Variants in PCDHGA4 observed in about 807,000 individuals in gnomAD.
PCDHGA4 encodes protocadherin gamma subfamily A, 4.
A neutral mutation model predicts 54.6 loss-of-function variants in PCDHGA4; 38 were observed. The ratio of observed to expected loss-of-function variants is 0.70; its 90% CI spans 0.54 to 0.91. The LOEUF (loss-of-function observed/expected upper bound fraction) is 0.91. PCDHGA4 is among the 40% of genes least tolerant of loss of function. PCDHGA4 has a pLI of 0.00. For synonymous variants in PCDHGA4, 511 were observed against 512.9 expected, an observed-to-expected ratio of 1.00 and a Z score of 0.05; for missense variants, 1,298 against 1,220.9, an observed-to-expected ratio of 1.06 and a Z score of -0.94.
chr5:141,478,414 C>T, intron 1 of PCDHGA4: 1 of 1,613,630 alleles, frequency 6.2e-7, no homozygotes, highest in Non-Finnish European at 8.5e-7. Context: ...CCACGGACTC[C>T]CGCCGCAGCG....
intron 1 of PCDHGA4, chr5:141,423,436 C>A (rs2096740667): frequency 6.2e-7 from 1 of 1,613,782 alleles, no homozygotes; most frequent in Non-Finnish European, 8.5e-7. Context: ...GGCAGGTATG[C>A]CCACGTCACA....
chr5:141,442,650 G>A (rs192694987), intron 1 of PCDHGA4, among the ~76,000 whole-genome samples: 83 of 152,350 alleles, frequency 5.4e-4, no homozygotes, highest in Admixed American at 9.1e-4. Flanking sequence ...CCTAAGATGA[G>A]AAATATTTGG....
chr5:141,366,069 G>C, intron 1 of PCDHGA4: 2 of 1,614,216 alleles, frequency 1.2e-6, no homozygotes, highest in Non-Finnish European at 1.7e-6. Flanking sequence ...CTGGCGCCTC[G>C]CTCCGCAGAA....
chr5:141,496,888 T>TAAA (rs35063790), intron 2 of PCDHGA4, among the ~76,000 whole-genome samples: 5 of 134,118 alleles, frequency 3.7e-5, no homozygotes, highest in East Asian at 4.4e-4. Context: ...AAGTAACACT[T>TAAA]AAAAAAAAAA....
At chr5:141,474,807 A>C (rs945920397) in intron 1 of PCDHGA4, among the ~76,000 whole-genome samples, 8 of 152,364 alleles carry the variant, frequency 5.3e-5, no homozygotes, top group Admixed American at 1.3e-4. Context: ...AGTGGTTTGC[A>C]TCATTAATTG....
At chr5:141,410,849 C>CTTTTTTGTTTTTTTTTTTTTTT (rs2095433183) in intron 1 of PCDHGA4, 1 of 129,786 alleles carries the variant, frequency 7.7e-6, no homozygotes, top group African/African-American at 6.0e-5. Flanking sequence ...TTGTCTTTGT[C>CTTTTTTGTTTTTTTTTTTTTTT]TTTTTTTTTT....
chr5:141,366,741 G>A lies in PCDHGA4; in HGVS notation c.2514+9120G>A, dbSNP rs772947820. 7.4e-6 allele frequency: 12 copies of A among 1,611,708 alleles called. No homozygotes were observed. The highest frequency in any genetic ancestry group is 1.3e-5 in the African/African-American group (1 of 74,862). On this transcript the variant is annotated intron_variant, in intron 1 of 3. Coordinates refer to ENST00000571252, the MANE Select transcript of PCDHGA4 (RefSeq NM_018917.4). ...AAGGTAGATGCAAACAAAGAAGAAC[G>A]GCGAGTTCAGGTTAGTTTTCTCTTT...
chr5:141,433,365 A>ATCTG, intron 1 of PCDHGA4: 1 of 523,830 alleles, frequency 1.9e-6, no homozygotes, highest in East Asian at 3.1e-5. Context: ...CTGCCTATCT[A>ATCTG]TCTATCTATC....
intron 2 of PCDHGA4, among the ~76,000 whole-genome samples, chr5:141,502,124 A>G (rs4912762): frequency 0.55 from 83,213 of 152,012 alleles, 23,486 homozygotes; most frequent in African/African-American, 0.67. Flanking sequence ...CCAGGCCCAC[A>G]GAGCTCAGTC....
rs775963212 is a variant in PCDHGA4, at chr5:141,485,463, G to T, written c.2515-9344G>T. ...CCAATCGACCGAGAGGCACTGTGTG[G>T]GCTCAGTGCCAGCTGCATCGTGCCC... On this transcript the variant is annotated intron_variant, in intron 1 of 3. Coordinates refer to ENST00000571252, the MANE Select transcript of PCDHGA4 (RefSeq NM_018917.4). The surrounding 1 kb of genome is among the most constrained non-coding windows in gnomAD (Gnocchi z 5.7). The T allele has an allele frequency of 1.2e-6, 2 of 1,614,086 alleles. No individual in the cohort carries two copies. The highest frequency in any genetic ancestry group is 3.3e-5 in the Admixed American group (2 of 60,026).
chr5:141,365,735 G>T (rs1764082475), intron 1 of PCDHGA4: 6 of 1,613,626 alleles, frequency 3.7e-6, no homozygotes, highest in Non-Finnish European at 5.1e-6. Flanking sequence ...TCCCAGAGGT[G>T]TCTCTATCTT....
At chr5:141,444,531 C>T (rs1021207516) in intron 1 of PCDHGA4, among the ~76,000 whole-genome samples, 2 of 152,100 alleles carry the variant, frequency 1.3e-5, no homozygotes, top group Non-Finnish European at 1.5e-5. Context: ...GAGACAGTGA[C>T]TGTGTCTAGT....
At chr5:141,417,949 TGA>T (rs2096196504) in intron 1 of PCDHGA4, 1 of 1,613,400 alleles carries the variant, frequency 6.2e-7, no homozygotes, top group Non-Finnish European at 8.5e-7. Context: ...CCACGCTGTG[TGA>T]GCCGATCCGC....
chr5:141,500,835 A>G (rs965204931), intron 2 of PCDHGA4, among the ~76,000 whole-genome samples: 13 of 152,118 alleles, frequency 8.5e-5, no homozygotes, highest in African/African-American at 3.1e-4. Context: ...TCTAATGCTA[A>G]TGGGCTTTTG....
At chr5:141,445,632 T>C (rs940642775) in intron 1 of PCDHGA4, among the ~76,000 whole-genome samples, 19 of 152,116 alleles carry the variant, frequency 1.2e-4, no homozygotes, top group Admixed American at 1.1e-3. Flanking sequence ...GAAAGTGATA[T>C]TTAGAGAGAT....
intron 1 of PCDHGA4, among the ~76,000 whole-genome samples, chr5:141,463,489 C>T (rs1190438683): frequency 7.2e-6 from 1 of 138,270 alleles, no homozygotes; most frequent in African/African-American, 2.8e-5. Context: ...CGCTCTGTCA[C>T]CCAGGCTGGA....
intron 1 of PCDHGA4, chr5:141,484,946 C>T (rs2154580274): frequency 3.6e-6 from 2 of 561,448 alleles, no homozygotes; most frequent in Non-Finnish European, 6.4e-6. Flanking sequence ...CTCTGCTCAG[C>T]CTATTGGCTG....
At chr5:141,404,694 C>A in intron 1 of PCDHGA4, 5 of 1,614,116 alleles carry the variant, frequency 3.1e-6, no homozygotes, top group Non-Finnish European at 4.2e-6. Context: ...GCACCCCGCT[C>A]TGCAGAGCCT....
chr5:141,374,476 C>A, intron 1 of PCDHGA4: 3 of 1,612,124 alleles, frequency 1.9e-6, no homozygotes, highest in Non-Finnish European at 1.7e-6. Context: ...ACAATACACC[C>A]CGATTCTTAA....
Sources: gnomAD v4.1 joint callset for allele counts (sites outside exome capture counted in the v4.1 genomes callset) on GRCh38, gnomAD v4.1.1 for gene constraint, Gnocchi (gnomAD v3.1) non-coding constraint, MANE v1.5 for transcripts, NCBI Gene and HGNC (gene_info 2026-07-23, HGNC 2026-07-21) for gene names.